CD37: variants seen among roughly 807,000 people sequenced by gnomAD.
CD37 encodes CD37 molecule.
CD37 carries 37 observed loss-of-function variants against 38.9 expected under a neutral mutation model. That is an observed-to-expected ratio of 0.95 (90% CI 0.73 to 1.25). The LOEUF (loss-of-function observed/expected upper bound fraction) is 1.25. Among genes scored for constraint, CD37 ranks in the 50% most tolerant of loss-of-function variants. The pLI is 0.00. For synonymous variants in CD37, 146 were observed against 150.1 expected (o/e 0.97, Z 0.20); for missense variants, 351 against 360.1 (o/e 0.97, Z 0.20).
chr19:49,339,265 G>C lies in CD37; in HGVS notation c.685-65G>C. On this transcript the variant is annotated intron_variant, in intron 6 of 7. Transcript: ENST00000323906. This position sits in a 1 kb window ranked among gnomAD's most constrained non-coding sequence, Gnocchi z 4.5. The stretch of plus-strand genomic sequence containing the variant: ...AAGACGGTGAGGGTTGGCCTGAAAA[G>C]AACGCTGGGCCTGGGCTTGAGAGTC... 6.8e-7 allele frequency: 1 copy of C among 1,462,220 alleles called. No homozygotes were observed. The allele number at this position is 1,462,220 out of a possible 1,614,324, so 90.6% of individuals were successfully genotyped here.
At chr19:49,336,284 G>A (rs1025237499) in intron 2 of CD37, 24 of 143,992 alleles carry the variant, frequency 1.7e-4, no homozygotes, top group South Asian at 8.8e-4. Context: ...GGCCGGGCGC[G>A]GTGGCTCACA....
At chr19:49,336,795 C>A in intron 2 of CD37, 114 bp from the exon 3 acceptor site, 1 of 1,137,486 alleles carries the variant, frequency 8.8e-7, no homozygotes. Context: ...GACAGAGTCC[C>A]AGAGAGAGGG....
Position 49,339,454 on chromosome 19 carries a change from C to A in CD37, c.768+41C>A, listed in dbSNP as rs766471266. On this transcript the variant is annotated intron_variant, in intron 7 of 7. Transcript: ENST00000323906. The surrounding 1 kb of genome is among the most constrained non-coding windows in gnomAD (Gnocchi z 4.5). ...CCCCACCCGCGATCGGCCCTAAATC[C>A]CTAGATGGCCCTGCCCTTCATTTCG... 1 of 1,581,486 alleles carries A rather than the reference C, an allele frequency of 6.3e-7. No individual in the cohort carries two copies. Among genetic ancestry groups the A allele is most frequent in the Admixed American group, 1.7e-5 (1 of 59,928 alleles).
In CD37 at chr19:49,335,538, A is replaced by T. The variant is rs1261959144; in HGVS notation, c.-3A>T. The T allele has an allele frequency of 1.2e-6, 2 of 1,612,670 alleles. No homozygotes were observed. The highest frequency in any genetic ancestry group is 1.7e-6 in the Non-Finnish European group (2 of 1,178,840). ...AGTGGACCGCTTACCCCACTAGGTG[A>T]AGATGTCAGCCCAGGAGAGCTGCCT... On this transcript the variant is annotated 5_prime_UTR_variant, in exon 1 of 8. Coordinates refer to ENST00000323906, the MANE Select transcript of CD37 (RefSeq NM_001774.3). The surrounding 1 kb of genome is among the most constrained non-coding windows in gnomAD (Gnocchi z 4.6).
Position 49,339,811 on chromosome 19 carries a change from G to A in CD37, c.768+398G>A, listed in dbSNP as rs1174184268. 2.2e-6 allele frequency: 3 copies of A among 1,352,482 alleles called. No homozygotes were observed. The highest frequency in any genetic ancestry group is 1.5e-5 in the African/African-American group (1 of 67,930). 83.8% of individuals were successfully genotyped at this position (1,352,482 alleles called of 1,614,324 possible). On this transcript the variant is annotated intron_variant, in intron 7 of 7. Transcript: ENST00000323906. The surrounding 1 kb of genome is among the most constrained non-coding windows in gnomAD (Gnocchi z 4.5). ...CAGCGGCAGTCTGTGGGGTGGCTGG[G>A]GCATGGCGGGTGCCTGCCCCAACTG...
In CD37 at chr19:49,339,478, C is replaced by T. The variant is rs1971111971; in HGVS notation, c.768+65C>T. The T allele has an allele frequency of 1.3e-6, 2 of 1,560,436 alleles. No individual in the cohort carries two copies. Among genetic ancestry groups the T allele is most frequent in the Non-Finnish European group, 8.8e-7 (1 of 1,140,174 alleles). ...CCCTAGATGGCCCTGCCCTTCATTT[C>T]GCGTCCTTCGGTTGCCTGGGAAGGA... On this transcript the variant is annotated intron_variant, in intron 7 of 7. Coordinates refer to ENST00000323906, the MANE Select transcript of CD37 (RefSeq NM_001774.3). This position sits in a 1 kb window ranked among gnomAD's most constrained non-coding sequence, Gnocchi z 4.5.
chr19:49,339,236 C>A lies in CD37; in HGVS notation c.685-94C>A. On this transcript the variant is annotated intron_variant, in intron 6 of 7. Transcript: ENST00000323906. The surrounding 1 kb of genome is among the most constrained non-coding windows in gnomAD (Gnocchi z 4.5). ...TGGTGACTAGGGGAGCGGGTAGATGCCTGAAGACGGTGAGGGTTGGCCTGA... is the reference window on the plus strand; with the variant it reads ...TGGTGACTAGGGGAGCGGGTAGATGACTGAAGACGGTGAGGGTTGGCCTGA... 2 of 1,117,326 alleles carry A rather than the reference C, an allele frequency of 1.8e-6. No homozygotes were observed. The highest frequency in any genetic ancestry group is 1.3e-6 in the Non-Finnish European group (1 of 748,762). The allele number at this position is 1,117,326 out of a possible 1,614,324, so 69.2% of individuals were successfully genotyped here. A position where few individuals can be genotyped will look rare whatever the true frequency, so the allele number is the denominator to read the frequency against.
At position 49,336,985 on chromosome 19, in the gene CD37, C is replaced by T. The variant is rs769106160; in HGVS notation, c.219C>T (p.Leu73=). 5.6e-6 allele frequency: 9 copies of T among 1,613,970 alleles called. No homozygotes were observed. The highest frequency in any genetic ancestry group is 8.5e-7 in the Non-Finnish European group (1 of 1,179,958). Residue 73 remains leucine, a synonymous_variant, in exon 3 of 8, where the codon CTC becomes CTT. Transcript: ENST00000323906. ...GAATCTTCACCATGGGCATCGCCCT[C>T]CTGGGTTGTGTGGGGGCCCTCAAGG... ...ISGIFTMGIA[L]LGCVGALKEL... is the part of the protein sequence containing the mutation.
intron 4 of CD37, chr19:49,337,531 AG>A: frequency 1.2e-6 from 1 of 845,502 alleles, no homozygotes; most frequent in Non-Finnish European, 1.7e-6. Flanking sequence ...TCGAGGTGGG[AG>A]GATCACTTGA....
At position 49,338,339 on chromosome 19, in the gene CD37, A is replaced by T; in HGVS notation, c.447+310A>T. Reference sequence around the variant, plus strand: ...AGCGAGACACGGCTTCCTACCCCGTAGTGACTCTGGCTTCCACCGGACCCC... The same window carrying T: ...AGCGAGACACGGCTTCCTACCCCGTTGTGACTCTGGCTTCCACCGGACCCC... On this transcript the variant is annotated intron_variant, in intron 5 of 7. Coordinates refer to ENST00000323906, the MANE Select transcript of CD37 (RefSeq NM_001774.3). The surrounding 1 kb of genome is among the most constrained non-coding windows in gnomAD (Gnocchi z 5.0). 1 of 627,294 alleles carries T rather than the reference A, an allele frequency of 1.6e-6. No individual in the cohort carries two copies. The highest frequency in any genetic ancestry group is 2.2e-5 in the South Asian group (1 of 44,550). The allele number at this position is 627,294 out of a possible 1,614,324, so 38.9% of individuals were successfully genotyped here. A position where few individuals can be genotyped will look rare whatever the true frequency, so the allele number is the denominator to read the frequency against.
intron 2 of CD37, chr19:49,336,557 CA>C (rs954746158): frequency 3.3e-4 from 67 of 200,976 alleles, no homozygotes; most frequent in South Asian, 7.2e-4. Context: ...GGCTCCAACT[CA>C]AAAAAAAACC....
chr19:49,337,293 G>GA, intron 4 of CD37, 72 bp downstream of exon 4: 1 of 1,438,316 alleles, frequency 7.0e-7, no homozygotes, highest in Non-Finnish European at 9.8e-7. Flanking sequence ...GGAGAGGGTG[G>GA]AGAGAGACCG....
intron 2 of CD37, chr19:49,336,557 C>CAA: frequency 5.0e-6 from 1 of 201,288 alleles, no homozygotes; most frequent in East Asian, 1.3e-4. Context: ...GGCTCCAACT[C>CAA]AAAAAAAAAC....
Position 49,339,573 on chromosome 19 carries a change from G to A in CD37, c.768+160G>A. The stretch of plus-strand genomic sequence containing the variant: ...CCACCCAGCACCGGAGGGTGGGGGC[G>A]GCCCAGCTTCAGGGAGCCCTGATTG... On this transcript the variant is annotated intron_variant, in intron 7 of 7. Coordinates refer to ENST00000323906, the MANE Select transcript of CD37 (RefSeq NM_001774.3). This position sits in a 1 kb window ranked among gnomAD's most constrained non-coding sequence, Gnocchi z 4.5. 6.9e-7 allele frequency: 1 copy of A among 1,455,898 alleles called. No individual in the cohort carries two copies. The highest frequency in any genetic ancestry group is 1.4e-5 in the South Asian group (1 of 72,410). The allele number at this position is 1,455,898 out of a possible 1,614,324, so 90.2% of individuals were successfully genotyped here.
In CD37 at chr19:49,339,654, G is replaced by T. The variant is rs554931100; in HGVS notation, c.768+241G>T. ...GCTGCGATCTCCCTCCCCTTTCTCC[G>T]CAGATGACTGTCATGGTGCTGAGCG... On this transcript the variant is annotated intron_variant, in intron 7 of 7. Coordinates refer to ENST00000323906, the MANE Select transcript of CD37 (RefSeq NM_001774.3). The surrounding 1 kb of genome is among the most constrained non-coding windows in gnomAD (Gnocchi z 4.5). The T allele has an allele frequency of 7.0e-7, 1 of 1,428,344 alleles. No individual in the cohort carries two copies. The highest frequency in any genetic ancestry group is 9.1e-7 in the Non-Finnish European group (1 of 1,095,840). The allele number at this position is 1,428,344 out of a possible 1,614,324, so 88.5% of individuals were successfully genotyped here. A position where few individuals can be genotyped will look rare whatever the true frequency, so the allele number is the denominator to read the frequency against.
At chr19:49,340,164 C>G in intron 7 of CD37, 87 bp from the exon 8 acceptor site, 1 of 1,511,098 alleles carries the variant, frequency 6.6e-7, no homozygotes, top group Non-Finnish European at 9.1e-7. Context: ...CACGGCCCCA[C>G]CCCTGACCTT....
rs776773489 is a variant in CD37, at chr19:49,335,740, C to T, written c.96C>T (p.Phe32=). The stretch of plus-strand genomic sequence containing the variant: ...TCCTCGGCAGCCTGATCTTCTGCTT[C>T]GGCATCTGGATCCTCATTGACAAGA... The part of the protein sequence containing the change: ...FFVLGSLIFC[F]GIWILIDKTS... The change falls in exon 2 of 8, where the codon TTC becomes TTT. Residue 32 remains phenylalanine, a synonymous_variant. Transcript: ENST00000323906. This position sits in a 1 kb window ranked among gnomAD's most constrained non-coding sequence, Gnocchi z 4.6. 10 of 1,613,420 alleles carry T rather than the reference C, an allele frequency of 6.2e-6. No homozygotes were observed. Among genetic ancestry groups the T allele is most frequent in the African/African-American group, 2.7e-5 (2 of 74,890 alleles).
At chr19:49,337,397 G>A (rs1379321704) in intron 4 of CD37, among the ~76,000 whole-genome samples, 176 bp downstream of exon 4, 1 of 152,136 alleles carries the variant, frequency 6.6e-6, no homozygotes, top group Non-Finnish European at 1.5e-5. Flanking sequence ...CAGCACTTTG[G>A]GAGGCTGAGG....
Position 49,338,464 on chromosome 19 carries a change from C to G in CD37, c.448-236C>G, listed in dbSNP as rs1359778295. On this transcript the variant is annotated intron_variant, in intron 5 of 7. Transcript: ENST00000323906. The surrounding 1 kb of genome is among the most constrained non-coding windows in gnomAD (Gnocchi z 5.0). ...CCCAATCTCTAGTCCACAGCGCGACCCTGCAGCTCCTTCCCCAGCCCCAGG... is the reference window on the plus strand; with the variant it reads ...CCCAATCTCTAGTCCACAGCGCGACGCTGCAGCTCCTTCCCCAGCCCCAGG... 6.6e-6 allele frequency among the ~76,000 whole-genome samples: 1 copy of G among 152,030 alleles called. No homozygotes were observed. Among genetic ancestry groups the G allele is most frequent in the Non-Finnish European group, 1.5e-5 (1 of 68,008 alleles).
Sources: allele counts gnomAD v4.1 joint callset (sites outside exome capture counted in the v4.1 genomes callset), GRCh38; gene constraint gnomAD v4.1.1; non-coding constraint Gnocchi (gnomAD v3.1); transcripts MANE v1.5; gene names NCBI Gene and HGNC (gene_info 2026-07-23, HGNC 2026-07-21).